Variants in PCYOX1L observed in about 807,000 individuals in gnomAD.
PCYOX1L encodes the protein prenylcysteine oxidase 1 like.
In PCYOX1L, 40 loss-of-function variants were observed where a neutral mutation model predicts 44.1. The observed-to-expected ratio is 0.91, with a 90% confidence interval of 0.70 to 1.18. PCYOX1L has a LOEUF of 1.18. Ranked by LOEUF, PCYOX1L falls within the 50% of genes most tolerant of loss-of-function variation. The pLI, the probability that PCYOX1L is intolerant of heterozygous loss-of-function variation, is 0.00. For missense variants in PCYOX1L, 605 were observed against 653.3 expected, an observed-to-expected ratio of 0.93 and a Z score of 0.81; for synonymous variants, 266 against 282.8, an observed-to-expected ratio of 0.94 and a Z score of 0.60.
At chr5:149,364,250 A>G (rs1461724398) in intron 3 of PCYOX1L, 40 bp downstream of exon 3, 1 of 1,609,476 alleles carries the variant, frequency 6.2e-7, no homozygotes, top group Non-Finnish European at 8.5e-7. Context: ...TTCCAGGGGA[A>G]CCGAGAAGAG....
rs552170420 is a variant in PCYOX1L, at chr5:149,359,108, G to C, written c.88+952G>C. ...AACTGTCATTTTAACTACATGACTC[G>C]TGAAGATTTTCAAGTCCCTCACACG... is the stretch of plus-strand genomic sequence containing the variant. On this transcript the variant is annotated intron_variant, in intron 1 of 5. Coordinates refer to ENST00000274569, the MANE Select transcript of PCYOX1L (RefSeq NM_024028.4). Among the ~76,000 whole-genome samples, 5 of 151,922 alleles carry C rather than the reference G, an allele frequency of 3.3e-5. No individual in the cohort carries two copies. In the South Asian group the frequency reaches 8.3e-4, roughly 25 times the overall value.
At chr5:149,362,564 C>G in intron 1 of PCYOX1L, 73 bp from the exon 2 acceptor site, 1 of 1,512,030 alleles carries the variant, frequency 6.6e-7, no homozygotes, top group African/African-American at 1.4e-5. Flanking sequence ...CAGGAGGATA[C>G]AAAGTGTGAA....
intron 3 of PCYOX1L, 53 bp from the exon 4 acceptor site, chr5:149,365,889 G>T: frequency 6.3e-7 from 1 of 1,575,908 alleles, no homozygotes; most frequent in South Asian, 1.1e-5. Context: ...AGGGGCAGGT[G>T]GTCAGGCAAA....
At chr5:149,360,901 C>T (rs566749478) in intron 1 of PCYOX1L, among the ~76,000 whole-genome samples, 1 of 152,316 alleles carries the variant, frequency 6.6e-6, no homozygotes, top group South Asian at 2.1e-4. Flanking sequence ...CCTGTGACTT[C>T]TGGCAGGAAC....
At chr5:149,367,899 C>G in intron 5 of PCYOX1L, 94 bp from the exon 6 acceptor site, 1 of 1,345,248 alleles carries the variant, frequency 7.4e-7, no homozygotes, top group East Asian at 2.3e-5. Flanking sequence ...CCCTGAGCAC[C>G]AGGGTCTCGT....
rs1758322992 is a variant in PCYOX1L at position 149,368,669 on chromosome 5, G to A, written c.*15G>A. The A allele has an allele frequency of 6.7e-7, 1 of 1,500,092 alleles. No individual in the cohort carries two copies. The highest frequency in any genetic ancestry group is 1.3e-5 in the South Asian group (1 of 74,630). The allele number at this position is 1,500,092 out of a possible 1,614,324, so 92.9% of individuals were successfully genotyped here. On this transcript the variant is annotated 3_prime_UTR_variant, in exon 6 of 6. Coordinates refer to ENST00000274569, the MANE Select transcript of PCYOX1L (RefSeq NM_024028.4). ...CTGAACTGTGAGGGCTCTAGGGAGA[G>A]CCTGGGAACTTTCATCCCCCACTGA...
At chr5:149,361,248 A>G (rs1758001814) in intron 1 of PCYOX1L, among the ~76,000 whole-genome samples, 1 of 152,156 alleles carries the variant, frequency 6.6e-6, no homozygotes, top group Non-Finnish European at 1.5e-5. Flanking sequence ...ATCTCTACGA[A>G]AAATATGTCG....
intron 5 of PCYOX1L, 47 bp from the exon 6 acceptor site, chr5:149,367,946 G>A (rs999995405): frequency 1.7e-5 from 26 of 1,515,386 alleles, no homozygotes; most frequent in Non-Finnish European, 2.2e-5. Flanking sequence ...GGAGTTCAGT[G>A]GGTAGAAGCC....
chr5:149,363,819 G>GA (rs563241980), intron 2 of PCYOX1L: 36 of 568,328 alleles, frequency 6.3e-5, no homozygotes, highest in African/African-American at 1.5e-4. Flanking sequence ...TCCTCCTGGG[G>GA]AAAAAAAATG....
At chr5:149,358,198 G>T (rs780401527) in intron 1 of PCYOX1L, 42 bp downstream of exon 1, 1 of 1,404,012 alleles carries the variant, frequency 7.1e-7, no homozygotes, top group Non-Finnish European at 9.3e-7. Context: ...GGGGAGGGCC[G>T]GCGGGTAAAG....
intron 1 of PCYOX1L, 48 bp from the exon 2 acceptor site, chr5:149,362,587 ACT>A (rs1203683374): frequency 6.3e-7 from 1 of 1,592,364 alleles, no homozygotes; most frequent in Non-Finnish European, 8.6e-7. Context: ...ACAGCCTCTC[ACT>A]CTCATGTTCT....
chr5:149,367,878 G>A, intron 5 of PCYOX1L, 115 bp from the exon 6 acceptor site: 2 of 1,145,046 alleles, frequency 1.7e-6, no homozygotes, highest in Non-Finnish European at 1.2e-6. Context: ...CATTTAGACA[G>A]CCCTGCTGCA....
chr5:149,358,984 T>G (rs1176503624), intron 1 of PCYOX1L, among the ~76,000 whole-genome samples: 1 of 152,198 alleles, frequency 6.6e-6, no homozygotes, highest in Non-Finnish European at 1.5e-5. Flanking sequence ...TCCAAATAAA[T>G]TGCAGACATC....
chr5:149,360,180 C>T (rs1216455740), intron 1 of PCYOX1L, among the ~76,000 whole-genome samples: 3 of 152,220 alleles, frequency 2.0e-5, no homozygotes, highest in Non-Finnish European at 4.4e-5. Flanking sequence ...AGTCTGTCTG[C>T]CCATTCCATG....
At chr5:149,362,288 A>T (rs1043004318) in intron 1 of PCYOX1L, 3 of 306,818 alleles carry the variant, frequency 9.8e-6, no homozygotes, top group Non-Finnish European at 1.3e-5. Context: ...TTAACAATTC[A>T]TAGGGAAATA....
rs1180029202 is a variant in PCYOX1L at position 149,368,552 on chromosome 5, G to A, written c.1383G>A (p.Val461=). 1.2e-6 allele frequency: 2 copies of A among 1,600,064 alleles called. No individual in the cohort carries two copies. The highest frequency in any genetic ancestry group is 1.7e-6 in the Non-Finnish European group (2 of 1,174,556). The change falls in exon 6 of 6, where the codon GTG becomes GTA. Residue 461 remains valine (V), a synonymous_variant. Coordinates refer to ENST00000274569, the MANE Select transcript of PCYOX1L (RefSeq NM_024028.4). The part of the protein sequence containing the change: ...WAASSVEVMA[V]AAKNVALLAY... ...CCAGCTCCGTGGAGGTGATGGCCGTGGCTGCCAAGAATGTGGCCTTGCTGG... is the reference window on the plus strand; with the variant it reads ...CCAGCTCCGTGGAGGTGATGGCCGTAGCTGCCAAGAATGTGGCCTTGCTGG...
At chr5:149,365,822 C>G (rs917634125) in intron 3 of PCYOX1L, 120 bp from the exon 4 acceptor site, 2 of 862,800 alleles carry the variant, frequency 2.3e-6, no homozygotes, top group South Asian at 3.2e-5. Flanking sequence ...TCTTCTGCCA[C>G]CACTCCATGT....
At position 149,366,167 on chromosome 5, in the gene PCYOX1L, C is replaced by G; in HGVS notation, c.682+14C>G. 1 of 1,605,848 alleles carries G rather than the reference C, an allele frequency of 6.2e-7. No individual in the cohort carries two copies. Among genetic ancestry groups the G allele is most frequent in the Non-Finnish European group, 8.5e-7 (1 of 1,178,760 alleles). On this transcript the variant is annotated intron_variant, in intron 4 of 5. Transcript: ENST00000274569. ...CCGCCTTTGCAGGTAAGCGTCCAAC[C>G]CTTGGCCTGCCCACCTGCCCCTCCT...
chr5:149,364,391 T>C, intron 3 of PCYOX1L, 181 bp downstream of exon 3: 2 of 655,350 alleles, frequency 3.1e-6, no homozygotes, highest in Middle Eastern at 4.3e-4. Context: ...GGTCCAGTAA[T>C]GGTCTCCCTA....
Sources: allele counts gnomAD v4.1 joint callset (sites outside exome capture counted in the v4.1 genomes callset), GRCh38; gene constraint gnomAD v4.1.1; transcripts MANE v1.5; gene names NCBI Gene and HGNC (gene_info 2026-07-23, HGNC 2026-07-21).